The following NXPE2 variants were observed in gnomAD, a reference collection of about 807,000 sequenced individuals.
NXPE2 encodes neurexophilin and PC-esterase domain family member 2.
Under a neutral mutation model 34.4 loss-of-function variants are expected in NXPE2, and 34 were observed. The observed-to-expected ratio is 0.99, with a 90% CI of 0.75 to 1.31. The LOEUF (loss-of-function observed/expected upper bound fraction) is 1.31, where lower values mean the gene tolerates loss of function less well. Among genes scored for constraint, NXPE2 ranks in the 40% most tolerant of loss-of-function variants. The pLI is 0.00. For synonymous variants in NXPE2, 235 were observed against 231.3 expected, an observed-to-expected ratio of 1.02 and a Z score of -0.15; for missense variants, 649 against 672.5, an observed-to-expected ratio of 0.97 and a Z score of 0.39.
the NXPE2 span, among the ~76,000 whole-genome samples, chr11:114,807,570 CAACAAAGATCAAAAGA>C: frequency 6.6e-6 from 1 of 151,142 alleles, no homozygotes; most frequent in Admixed American, 6.6e-5. Flanking sequence ...GACTTTAAAC[CAACAAAGATCAAAAGA>C]GACAAAGAAG....
the NXPE2 span, chr11:114,570,912 G>T: frequency 1.3e-6 from 2 of 1,501,818 alleles, no homozygotes; most frequent in Admixed American, 1.9e-5. Flanking sequence ...TTACTTAAGT[G>T]AATGAATTTC....
chr11:114,524,113 T>TA, the NXPE2 span, among the ~76,000 whole-genome samples: 1 of 152,188 alleles, frequency 6.6e-6, no homozygotes, highest in Non-Finnish European at 1.5e-5. Flanking sequence ...TCTCACATTA[T>TA]ATCTAAAGTT....
the NXPE2 span, among the ~76,000 whole-genome samples, chr11:114,803,733 C>A: frequency 1.3e-5 from 2 of 152,048 alleles, no homozygotes; most frequent in Non-Finnish European, 1.5e-5. Flanking sequence ...TGTGCCACCA[C>A]GCCTGACTCA....
chr11:114,729,590 A>C, the NXPE2 span, among the ~76,000 whole-genome samples: 1 of 151,992 alleles, frequency 6.6e-6, no homozygotes, highest in Non-Finnish European at 1.5e-5. Context: ...TTGACTTTTT[A>C]ATAATAGTCA....
chr11:114,778,077 T>C, the NXPE2 span, among the ~76,000 whole-genome samples: 2 of 152,172 alleles, frequency 1.3e-5, no homozygotes, highest in Non-Finnish European at 2.9e-5. Flanking sequence ...TGGGAGTATG[T>C]AATATGAGGA....
chr11:114,628,944 CACAT>C, the NXPE2 span, among the ~76,000 whole-genome samples: 2 of 152,014 alleles, frequency 1.3e-5, no homozygotes, highest in Admixed American at 1.3e-4. Context: ...AATTCCTCGA[CACAT>C]ACACCCTCCC....
At chr11:114,594,264 T>G in the NXPE2 span, among the ~76,000 whole-genome samples, 1 of 152,188 alleles carries the variant, frequency 6.6e-6, no homozygotes, top group Non-Finnish European at 1.5e-5. Context: ...CTATGTATTA[T>G]ATGCTTGTAT....
At chr11:114,615,256 A>G in the NXPE2 span, among the ~76,000 whole-genome samples, 2 of 151,980 alleles carry the variant, frequency 1.3e-5, no homozygotes, top group African/African-American at 4.8e-5. Context: ...CCAGTGGATT[A>G]TAAGTATTTC....
upstream of NXPE2, among the ~76,000 whole-genome samples, chr11:114,673,820 A>G (rs1026502542): frequency 6.6e-6 from 1 of 151,814 alleles, no homozygotes; most frequent in African/African-American, 2.4e-5. Context: ...AGGAAGCCAC[A>G]TATCTCCCCA....
At chr11:114,491,582 A>T in the NXPE2 span, among the ~76,000 whole-genome samples, 1 of 152,200 alleles carries the variant, frequency 6.6e-6, no homozygotes, top group African/African-American at 2.4e-5. Flanking sequence ...TTGTTCCACC[A>T]TTGTGGAAGT....
chr11:114,698,212 C>T lies in NXPE2; in HGVS notation c.300C>T (p.Phe100=), dbSNP rs1050995865. ...ACCAGCAGATCCCACCCAGACCTTT[C>T]ACCCATGTGAATACCACCACCAGTG... ...KLDQQIPPRP[F]THVNTTTSAT... Residue 100 remains phenylalanine, a synonymous_variant, in exon 3 of 6, where the codon TTC becomes TTT. Coordinates refer to ENST00000389586, the MANE Select transcript of NXPE2 (RefSeq NM_182495.6). 6.8e-6 allele frequency: 11 copies of T among 1,613,952 alleles called. No homozygotes were observed. The highest frequency in any genetic ancestry group is 1.6e-4 in the Middle Eastern group (1 of 6,084).
chr11:114,540,187 C>T, the NXPE2 span, among the ~76,000 whole-genome samples: 4 of 152,182 alleles, frequency 2.6e-5, no homozygotes, highest in Non-Finnish European at 4.4e-5. Context: ...AAACTCCTGA[C>T]CTCAAGTGAT....
At chr11:114,581,699 C>T in the NXPE2 span, 1 of 1,588,104 alleles carries the variant, frequency 6.3e-7, no homozygotes, top group Admixed American at 1.7e-5. Context: ...AACTAGGCAC[C>T]ACCCACCAAA....
chr11:114,718,964 A>G, the NXPE2 span, among the ~76,000 whole-genome samples: 1 of 152,160 alleles, frequency 6.6e-6, no homozygotes, highest in Non-Finnish European at 1.5e-5. Context: ...GTCCATCACA[A>G]ACTTAAGTCT....
the NXPE2 span, among the ~76,000 whole-genome samples, chr11:114,613,078 G>A: frequency 7.9e-5 from 12 of 151,768 alleles, no homozygotes; most frequent in South Asian, 2.1e-4. Flanking sequence ...ACTGTTACCC[G>A]GTGGATAATA....
Position 114,705,823 on chromosome 11 carries a change from C to A in NXPE2, c.971C>A (p.Thr324Asn). The A allele has an allele frequency of 6.5e-7, 1 of 1,531,520 alleles. No homozygotes were observed. Among genetic ancestry groups the A allele is most frequent in the Non-Finnish European group, 8.8e-7 (1 of 1,138,530 alleles). 94.9% of individuals were successfully genotyped at this position (1,531,520 alleles called of 1,614,324 possible). A position where few individuals can be genotyped will look rare whatever the true frequency, so the allele number is the denominator to read the frequency against. ...IKKNCQIGMK[T>N]PFPSGYTLKK... The stretch of plus-strand genomic sequence containing the variant: ...AAGAACTGCCAGATTGGAATGAAGA[C>A]TCCTTTCCCCAGTGGTTATACTTTG... The change falls in exon 5 of 6, where the codon ACT becomes AAT. Residue 324 changes from threonine to asparagine, a missense_variant. By Grantham distance (65) the Thr-to-Asn change is moderately conservative. Coordinates refer to ENST00000389586, the MANE Select transcript of NXPE2 (RefSeq NM_182495.6).
At chr11:114,594,281 A>G in the NXPE2 span, among the ~76,000 whole-genome samples, 2 of 152,206 alleles carry the variant, frequency 1.3e-5, no homozygotes, top group East Asian at 1.9e-4. Context: ...GTATCAAAAT[A>G]TCTCATCTAC....
chr11:114,739,060 T>C, the NXPE2 span, among the ~76,000 whole-genome samples: 2 of 152,152 alleles, frequency 1.3e-5, no homozygotes, highest in Admixed American at 6.5e-5. Context: ...AACTCTATAA[T>C]TCCAAGATAA....
chr11:114,634,678 A>C, the NXPE2 span, among the ~76,000 whole-genome samples: 1 of 152,066 alleles, frequency 6.6e-6, no homozygotes, highest in Admixed American at 6.6e-5. Context: ...AGCTTTCTAC[A>C]TATCGCTAGT....
Sources: allele counts gnomAD v4.1 joint callset (sites outside exome capture counted in the v4.1 genomes callset), GRCh38; gene constraint gnomAD v4.1.1; transcripts MANE v1.5; gene names NCBI Gene and HGNC (gene_info 2026-07-23, HGNC 2026-07-21).